Variants in COL25A1 observed in about 807,000 individuals in gnomAD.
The protein encoded by COL25A1 is collagen type XXV alpha 1 chain, also known as collagen alpha-1(XXV) chain.
In COL25A1, 103 loss-of-function variants were observed where a neutral mutation model predicts 128.4. The ratio of observed to expected loss-of-function variants is 0.80; its 90% CI spans 0.68 to 0.94. The LOEUF is 0.94. Among genes scored for constraint, COL25A1 ranks in the 40% least tolerant of loss-of-function variants. COL25A1 has a pLI of 0.00. For missense variants in COL25A1, 745 were observed against 840.0 expected, an observed-to-expected ratio of 0.89 and a Z score of 1.40; for synonymous variants, 279 against 277.2, an observed-to-expected ratio of 1.01 and a Z score of -0.06.
intron 6 of COL25A1, among the ~76,000 whole-genome samples, chr4:108,979,548 A>T (rs1752756905): frequency 6.6e-6 from 1 of 152,192 alleles, no homozygotes; most frequent in South Asian, 2.1e-4. Context: ...AACAAAATTA[A>T]ATTCTGCTTG....
chr4:109,278,099 C>T (rs904164765), intron 3 of COL25A1, among the ~76,000 whole-genome samples: 5 of 151,856 alleles, frequency 3.3e-5, no homozygotes, highest in African/African-American at 1.2e-4. Context: ...CACACCACTG[C>T]ACTCCAGCCT....
At chr4:109,133,518 G>C (rs1004522737) in intron 3 of COL25A1, among the ~76,000 whole-genome samples, 2 of 152,046 alleles carry the variant, frequency 1.3e-5, no homozygotes, top group African/African-American at 4.8e-5. Context: ...TGTTCACCAA[G>C]AAAGGGCCAA....
rs184112067 is a variant in COL25A1, at chr4:108,871,517, C to T, written c.1021-2367G>A. On this transcript the variant is annotated intron_variant, in intron 19 of 37. Transcript: ENST00000399132. ...ATTTTTAGTAGAGACAGGGTTTCACCGTGTTAGCCAGGATGGTCTCGATCT... is the reference window on the plus strand; with the variant it reads ...ATTTTTAGTAGAGACAGGGTTTCACTGTGTTAGCCAGGATGGTCTCGATCT... Among the ~76,000 whole-genome samples the T allele has an allele frequency of 7.2e-3, 1,092 of 152,176 alleles. 7 individuals are homozygous for T. The highest frequency in any genetic ancestry group is 0.025 in the African/African-American group (1,030 of 41,522).
chr4:109,250,865 T>A (rs1231590373), intron 3 of COL25A1, among the ~76,000 whole-genome samples: 1 of 152,216 alleles, frequency 6.6e-6, no homozygotes, highest in Non-Finnish European at 1.5e-5. Flanking sequence ...TTAACCCATA[T>A]ACTTCCTCTT....
At chr4:109,206,278 T>C (rs1776990845) in intron 3 of COL25A1, among the ~76,000 whole-genome samples, 2 of 152,158 alleles carry the variant, frequency 1.3e-5, no homozygotes, top group Non-Finnish European at 2.9e-5. Context: ...AAAAACACTA[T>C]AAAACATAAA....
At chr4:109,167,754 T>C (rs890146286) in intron 3 of COL25A1, among the ~76,000 whole-genome samples, 4 of 152,076 alleles carry the variant, frequency 2.6e-5, no homozygotes, top group African/African-American at 9.7e-5. Flanking sequence ...TCTTACAGTC[T>C]AGAAGAAAAG....
At chr4:109,271,875 T>C (rs959240062) in intron 3 of COL25A1, among the ~76,000 whole-genome samples, 8 of 152,216 alleles carry the variant, frequency 5.3e-5, no homozygotes, top group Admixed American at 1.3e-4. Context: ...AATGTTTTTA[T>C]TGTAAGTGGT....
intron 3 of COL25A1, among the ~76,000 whole-genome samples, chr4:109,219,619 C>T (rs1778279281): frequency 6.6e-6 from 1 of 152,050 alleles, no homozygotes; most frequent in Non-Finnish European, 1.5e-5. Flanking sequence ...TATAGCCACG[C>T]CCTTATTTTC....
intron 3 of COL25A1, among the ~76,000 whole-genome samples, chr4:109,239,914 C>G (rs1184016017): frequency 6.6e-6 from 1 of 151,816 alleles, no homozygotes; most frequent in East Asian, 1.9e-4. Context: ...TGTTAAAAAA[C>G]TAAAACACAA....
chr4:109,219,512 C>T (rs947885985), intron 3 of COL25A1, among the ~76,000 whole-genome samples: 1 of 151,960 alleles, frequency 6.6e-6, no homozygotes, highest in South Asian at 2.1e-4. Context: ...CCTCCTCAAT[C>T]CCACCCTGCC....
chr4:109,200,845 T>G (rs1776505892), intron 3 of COL25A1, among the ~76,000 whole-genome samples: 1 of 152,108 alleles, frequency 6.6e-6, no homozygotes, highest in African/African-American at 2.4e-5. Flanking sequence ...TTTCATCTCT[T>G]TTTCATTTCT....
intron 19 of COL25A1, among the ~76,000 whole-genome samples, chr4:108,875,128 C>T (rs1739289742): frequency 6.6e-6 from 1 of 152,144 alleles, no homozygotes; most frequent in Non-Finnish European, 1.5e-5. Context: ...CTGCTGCTTG[C>T]AAAGTTAGTG....
At chr4:109,145,788 C>A (rs559571543) in intron 3 of COL25A1, among the ~76,000 whole-genome samples, 11 of 152,128 alleles carry the variant, frequency 7.2e-5, no homozygotes, top group Non-Finnish European at 1.5e-4. Context: ...TTGCAGTGAG[C>A]CAAGATCGCA....
At chr4:109,040,469 C>T (rs375224115) in intron 5 of COL25A1, among the ~76,000 whole-genome samples, 2 of 152,134 alleles carry the variant, frequency 1.3e-5, no homozygotes, top group Non-Finnish European at 2.9e-5. Flanking sequence ...GCTCATTTGA[C>T]CTTGTTCAAA....
At chr4:109,278,034 C>T (rs1393414142) in intron 3 of COL25A1, among the ~76,000 whole-genome samples, 1 of 151,892 alleles carries the variant, frequency 6.6e-6, no homozygotes, top group Non-Finnish European at 1.5e-5. Context: ...ACTCAGGAGG[C>T]TGAGGCAGAA....
chr4:109,193,990 T>G (rs1410560735), intron 3 of COL25A1, among the ~76,000 whole-genome samples: 1 of 152,196 alleles, frequency 6.6e-6, no homozygotes, highest in African/African-American at 2.4e-5. Flanking sequence ...ATGAGCAAGG[T>G]CTTTGACTAA....
intron 3 of COL25A1, among the ~76,000 whole-genome samples, chr4:109,231,593 T>G (rs1035976542): frequency 2.6e-5 from 4 of 152,168 alleles, no homozygotes; most frequent in African/African-American, 9.7e-5. Flanking sequence ...ACAAGGCCAT[T>G]TGAGTGAGCA....
intron 31 of COL25A1, chr4:108,834,475 T>C: frequency 1.7e-6 from 2 of 1,182,888 alleles, no homozygotes; most frequent in Non-Finnish European, 2.5e-6. Flanking sequence ...GATGAACAAA[T>C]GTAACACTTC....
At chr4:109,065,805 C>T (rs192936244) in intron 3 of COL25A1, among the ~76,000 whole-genome samples, 6 of 152,232 alleles carry the variant, frequency 3.9e-5, no homozygotes, top group Admixed American at 6.5e-5. Flanking sequence ...TTGACAAGAC[C>T]TTCCTTGTGA....
Sources: gnomAD v4.1 joint callset for allele counts (sites outside exome capture counted in the v4.1 genomes callset) on GRCh38, gnomAD v4.1.1 for gene constraint, MANE v1.5 for transcripts, NCBI Gene and HGNC (gene_info 2026-07-23, HGNC 2026-07-21) for gene names.